The following SLC9A9 variants were observed in gnomAD, a reference collection of about 807,000 sequenced individuals.
SLC9A9 encodes sodium/hydrogen exchanger 9.
In SLC9A9, 62 loss-of-function variants were observed where a neutral mutation model predicts 77.8. The observed-to-expected ratio is 0.80, with a 90% CI of 0.65 to 0.98. The LOEUF is 0.98. SLC9A9 is among the 50% of genes least tolerant of loss of function. The probability of loss-of-function intolerance (pLI) is 0.00; values close to 1 mark genes in which losing one functional copy is unlikely to be tolerated. For synonymous variants in SLC9A9, 320 were observed against 283.5 expected, an observed-to-expected ratio of 1.13 and a Z score of -1.29; for missense variants, 775 against 774.9, an observed-to-expected ratio of 1.00 and a Z score of 0.00.
intron 4 of SLC9A9, among the ~76,000 whole-genome samples, chr3:143,696,992 G>A (rs1468581601): frequency 6.6e-6 from 1 of 151,772 alleles, no homozygotes; most frequent in East Asian, 1.9e-4. Context: ...AATAAAATAT[G>A]TACCAAAAGA....
In SLC9A9 at chr3:143,415,200, C is replaced by G. The variant is rs149694911; in HGVS notation, c.1470-33086G>C. ...TTAAGGAAAGGAGCTATCTCCATAG[C>G]ATAAAAGTTAAAGGGAAAGCAGCAA... On this transcript the variant is annotated intron_variant, in intron 12 of 15. Transcript: ENST00000316549. 6.0e-3 allele frequency among the ~76,000 whole-genome samples: 917 copies of G among 152,280 alleles called. 10 individuals carry two copies. The highest frequency in any genetic ancestry group is 0.021 in the African/African-American group (853 of 41,564).
chr3:143,297,081 C>T (rs991078335), intron 14 of SLC9A9, among the ~76,000 whole-genome samples: 1 of 152,148 alleles, frequency 6.6e-6, no homozygotes, highest in Admixed American at 6.5e-5. Context: ...GTGTCATATC[C>T]AAGAAATCAC....
At chr3:143,697,446 G>A (rs189902544) in intron 4 of SLC9A9, among the ~76,000 whole-genome samples, 64 of 152,142 alleles carry the variant, frequency 4.2e-4, no homozygotes, top group Non-Finnish European at 8.8e-5. Context: ...GTGCTATTAT[G>A]GACACAATAG....
intron 6 of SLC9A9, among the ~76,000 whole-genome samples, chr3:143,579,019 G>C (rs2037411936): frequency 2.0e-5 from 3 of 152,326 alleles, no homozygotes; most frequent in Admixed American, 1.3e-4. Flanking sequence ...CATGGTAGGT[G>C]TATAAGGAAT....
At chr3:143,550,854 A>G (rs2108637678) in intron 9 of SLC9A9, among the ~76,000 whole-genome samples, 1 of 152,352 alleles carries the variant, frequency 6.6e-6, no homozygotes. Context: ...AAATGGAACT[A>G]CAATGATCTT....
intron 5 of SLC9A9, among the ~76,000 whole-genome samples, chr3:143,657,144 C>G (rs1333411049): frequency 6.6e-6 from 1 of 152,186 alleles, no homozygotes; most frequent in Non-Finnish European, 1.5e-5. Flanking sequence ...GCCAGTCAAG[C>G]TCTGCCAGTC....
intron 6 of SLC9A9, among the ~76,000 whole-genome samples, chr3:143,605,218 TCAAA>T (rs1195818609): frequency 1.3e-5 from 2 of 152,192 alleles, no homozygotes; most frequent in Non-Finnish European, 2.9e-5. Flanking sequence ...GCCTGAGTGC[TCAAA>T]CATTCAGCAG....
chr3:143,612,498 C>T (rs115228929), intron 6 of SLC9A9, among the ~76,000 whole-genome samples: 66 of 152,238 alleles, frequency 4.3e-4, no homozygotes, highest in African/African-American at 1.5e-3. Context: ...TTCCAAGAGG[C>T]GTCTGGGTAT....
chr3:143,579,169 A>G (rs528238605), intron 6 of SLC9A9, among the ~76,000 whole-genome samples: 11 of 152,188 alleles, frequency 7.2e-5, no homozygotes, highest in Non-Finnish European at 1.3e-4. Context: ...CGTGTGCACA[A>G]AATATTCTGC....
chr3:143,624,072 T>G (rs901673203), intron 6 of SLC9A9, among the ~76,000 whole-genome samples: 1 of 152,084 alleles, frequency 6.6e-6, no homozygotes, highest in Non-Finnish European at 1.5e-5. Context: ...CAGGAAGAAG[T>G]TGAATCTCTG....
chr3:143,819,076 C>G (rs1385827809), intron 2 of SLC9A9, among the ~76,000 whole-genome samples: 2 of 151,670 alleles, frequency 1.3e-5, no homozygotes, highest in African/African-American at 4.8e-5. Context: ...GAGTGAAACT[C>G]TGTCTCAAAA....
At chr3:143,509,738 A>G (rs1018395414) in intron 9 of SLC9A9, among the ~76,000 whole-genome samples, 3 of 152,194 alleles carry the variant, frequency 2.0e-5, no homozygotes, top group Non-Finnish European at 4.4e-5. Flanking sequence ...GTGCTCTTGT[A>G]TATGTGTATT....
intron 2 of SLC9A9, among the ~76,000 whole-genome samples, chr3:143,825,127 T>A (rs1224500456): frequency 6.6e-6 from 1 of 151,956 alleles, no homozygotes; most frequent in African/African-American, 2.4e-5. Context: ...TGAAGCTTGC[T>A]TTCTCTCAGT....
intron 12 of SLC9A9, among the ~76,000 whole-genome samples, chr3:143,399,274 T>C (rs1348439848): frequency 6.6e-6 from 1 of 152,212 alleles, no homozygotes; most frequent in Admixed American, 6.5e-5. Context: ...AGTTTCTTGC[T>C]GAGACGGATT....
At chr3:143,767,887 T>C (rs550658430) in intron 4 of SLC9A9, among the ~76,000 whole-genome samples, 3 of 152,324 alleles carry the variant, frequency 2.0e-5, no homozygotes, top group Non-Finnish European at 2.9e-5. Context: ...GTAGTAATTA[T>C]GTCTCTCACT....
At chr3:143,677,915 C>T (rs920287016) in intron 5 of SLC9A9, among the ~76,000 whole-genome samples, 5 of 151,788 alleles carry the variant, frequency 3.3e-5, no homozygotes, top group African/African-American at 1.2e-4. Context: ...CAAGCTCTGC[C>T]CCCCTGGTTC....
chr3:143,577,704 T>C (rs1294885678), intron 7 of SLC9A9, among the ~76,000 whole-genome samples: 1 of 152,176 alleles, frequency 6.6e-6, no homozygotes, highest in Admixed American at 6.6e-5. Flanking sequence ...GCTCAGTGAA[T>C]GTCTGGGCAA....
rs116548580 is a variant in SLC9A9 at position 143,774,406 on chromosome 3, G to T, written c.533+20595C>A. 8.3e-3 allele frequency among the ~76,000 whole-genome samples: 1,260 copies of T among 152,286 alleles called. 26 individuals carry two copies. The highest frequency in any genetic ancestry group is 0.023 in the East Asian group (118 of 5,168). Reference sequence around the variant, plus strand: ...GCACTGAGTACTGTTTAGGGACACAGGTTGAAGCCAGACGGCTTGGGTTCA... The same window carrying T: ...GCACTGAGTACTGTTTAGGGACACATGTTGAAGCCAGACGGCTTGGGTTCA... On this transcript the variant is annotated intron_variant, in intron 4 of 15. Coordinates refer to ENST00000316549, the MANE Select transcript of SLC9A9 (RefSeq NM_173653.4).
intron 5 of SLC9A9, 55 bp downstream of exon 5, chr3:143,693,137 T>A (rs1933527006): frequency 2.9e-6 from 4 of 1,386,216 alleles, no homozygotes; most frequent in South Asian, 1.2e-5. Flanking sequence ...GGGAGAAACA[T>A]TCAATTTAAA....
Sources: gnomAD v4.1 joint callset for allele counts (sites outside exome capture counted in the v4.1 genomes callset) on GRCh38, gnomAD v4.1.1 for gene constraint, MANE v1.5 for transcripts, NCBI Gene and HGNC (gene_info 2026-07-23, HGNC 2026-07-21) for gene names.